Variants in CDH18 observed in about 807,000 individuals in gnomAD.
CDH18 encodes the protein cadherin 18.
In CDH18, 31 loss-of-function variants were observed where a neutral mutation model predicts 67.9. The observed-to-expected ratio is 0.46, with a 90% confidence interval of 0.34 to 0.62. The LOEUF (loss-of-function observed/expected upper bound fraction) is 0.62, where lower values mean the gene tolerates loss of function less well. Among genes scored for constraint, CDH18 ranks in the 20% least tolerant of loss-of-function variants. CDH18 has a pLI of 0.01. For missense variants in CDH18, 890 were observed against 975.5 expected, an observed-to-expected ratio of 0.91 and a Z score of 1.17; for synonymous variants, 362 against 347.2, an observed-to-expected ratio of 1.04 and a Z score of -0.48.
In CDH18 at chr5:19,588,795, G is replaced by C. The variant is rs905235025; in HGVS notation, c.999+2262C>G. 2.0e-5 allele frequency among the ~76,000 whole-genome samples: 3 copies of C among 151,682 alleles called. No individual in the cohort carries two copies. The South Asian group carries it at 6.2e-4, about 32-fold the overall frequency. ...CTTTAAGCCAAAAAAGATCGAAAAA[G>C]ACAAAAAAAGAGCATTACATAATGG... On this transcript the variant is annotated intron_variant, in intron 7 of 12. Coordinates refer to ENST00000382275, the MANE Select transcript of CDH18 (RefSeq NM_004934.5).
chr5:19,967,890 GAAGTCA>G (rs1797614924), intron 2 of CDH18, among the ~76,000 whole-genome samples: 1 of 152,064 alleles, frequency 6.6e-6, no homozygotes, highest in South Asian at 2.1e-4. Context: ...AGGAAAAGAG[GAAGTCA>G]AATTGTCCCT....
intron 2 of CDH18, among the ~76,000 whole-genome samples, chr5:20,175,458 G>C (rs1299045943): frequency 6.6e-6 from 1 of 152,056 alleles, no homozygotes; most frequent in African/African-American, 2.4e-5. Flanking sequence ...CATCACCAAA[G>C]AGCCTGTGGA....
chr5:19,868,166 A>G (rs962085402), intron 2 of CDH18, among the ~76,000 whole-genome samples: 3 of 152,164 alleles, frequency 2.0e-5, no homozygotes, highest in Non-Finnish European at 4.4e-5. Context: ...ATAAATTACT[A>G]CATTTCAAGT....
chr5:19,702,793 G>A (rs183836022), intron 5 of CDH18, among the ~76,000 whole-genome samples: 3 of 152,162 alleles, frequency 2.0e-5, no homozygotes, highest in East Asian at 2.0e-4. Flanking sequence ...ACTGTGACAT[G>A]CTCATGATTG....
In CDH18 at chr5:20,423,981, GA is replaced by G. The variant is rs1399974452; in HGVS notation, c.-580+151480del. On this transcript the variant is annotated intron_variant, in intron 1 of 14. Coordinates refer to the CDH18 transcript ENST00000507958. ...AAAAAAAAAAAAAAAAATTGTCCTA[GA>G]AATAGAAAAAAAGTAACAAACATGA... 5.3e-5 allele frequency among the ~76,000 whole-genome samples: 7 copies of G among 131,512 alleles called. No individual in the cohort carries two copies. In the East Asian group the frequency reaches 1.2e-3, roughly 23 times the overall value. The allele number at this position is 131,512 out of a possible 152,430, so 86.3% of individuals were successfully genotyped here.
chr5:19,584,955 A>AGC (rs1296646553), intron 7 of CDH18, among the ~76,000 whole-genome samples: 1 of 151,324 alleles, frequency 6.6e-6, no homozygotes, highest in East Asian at 2.0e-4. Flanking sequence ...AGATCGCACC[A>AGC]CTGCACTCCA....
intron 1 of CDH18, among the ~76,000 whole-genome samples, chr5:20,295,693 C>T (rs574932224): frequency 2.0e-5 from 3 of 151,094 alleles, no homozygotes; most frequent in Non-Finnish European, 2.9e-5. Flanking sequence ...TGCCACTGCA[C>T]TCTAGCCTCG....
intron 2 of CDH18, among the ~76,000 whole-genome samples, chr5:20,241,888 A>G (rs866196335): frequency 1.3e-5 from 1 of 78,338 alleles, no homozygotes. Flanking sequence ...AAATATATAT[A>G]TATGTATATA....
intron 2 of CDH18, among the ~76,000 whole-genome samples, chr5:20,044,923 G>A (rs1740778545): frequency 6.6e-6 from 1 of 151,954 alleles, no homozygotes; most frequent in African/African-American, 2.4e-5. Context: ...TACTAAAAAT[G>A]TGAGGCAAAT....
intron 3 of CDH18, among the ~76,000 whole-genome samples, chr5:19,801,588 C>A (rs1777475667): frequency 6.6e-6 from 1 of 152,154 alleles, no homozygotes; most frequent in African/African-American, 2.4e-5. Flanking sequence ...ATTCTATCAT[C>A]CAAACAAGGT....
chr5:20,095,415 G>GA (rs765836918), intron 2 of CDH18, among the ~76,000 whole-genome samples: 1 of 122,736 alleles, frequency 8.1e-6, no homozygotes, highest in South Asian at 2.8e-4. Flanking sequence ...AAGAAAGAAA[G>GA]AAAGAAAGAA....
intron 2 of CDH18, among the ~76,000 whole-genome samples, chr5:20,146,167 A>G (rs1023577731): frequency 2.0e-5 from 3 of 151,996 alleles, no homozygotes; most frequent in Non-Finnish European, 2.9e-5. Flanking sequence ...CTTGAATTTT[A>G]CCAAGTGAAA....
chr5:19,879,959 C>A (rs1787444724), intron 2 of CDH18, among the ~76,000 whole-genome samples: 1 of 151,936 alleles, frequency 6.6e-6, no homozygotes, highest in South Asian at 2.1e-4. Context: ...TCCTACCAGG[C>A]AAATTATAGA....
intron 2 of CDH18, among the ~76,000 whole-genome samples, chr5:20,089,575 A>T (rs1474642623): frequency 6.6e-6 from 1 of 152,174 alleles, no homozygotes; most frequent in Non-Finnish European, 1.5e-5. Context: ...AATACTATTT[A>T]CATTAAAATA....
chr5:20,219,678 T>C (rs1357884079), intron 2 of CDH18, among the ~76,000 whole-genome samples: 1 of 151,918 alleles, frequency 6.6e-6, no homozygotes, highest in East Asian at 1.9e-4. Flanking sequence ...TACTTCAATA[T>C]ATGCAAATCA....
At chr5:20,530,473 C>A (rs1251627786) in intron 1 of CDH18, among the ~76,000 whole-genome samples, 1 of 151,976 alleles carries the variant, frequency 6.6e-6, no homozygotes. Context: ...CATCACACTA[C>A]CTGACTTCAA....
chr5:19,657,425 G>A (rs896871006), intron 5 of CDH18, among the ~76,000 whole-genome samples: 6 of 151,986 alleles, frequency 3.9e-5, no homozygotes, highest in Non-Finnish European at 8.8e-5. Context: ...GACTTCAAAT[G>A]TCTCAATATA....
chr5:19,869,945 G>A (rs1786044097), intron 2 of CDH18, among the ~76,000 whole-genome samples: 7 of 152,008 alleles, frequency 4.6e-5, no homozygotes. Flanking sequence ...AATTTTTAAT[G>A]TTATTTATTT....
chr5:20,397,344 C>CG (rs1417615198), intron 1 of CDH18, among the ~76,000 whole-genome samples: 8 of 152,060 alleles, frequency 5.3e-5, no homozygotes, highest in Non-Finnish European at 1.2e-4. Flanking sequence ...GCTGGCCGGG[C>CG]TGGCCTAGAA....
Sources: allele counts gnomAD v4.1 joint callset (sites outside exome capture counted in the v4.1 genomes callset), GRCh38; gene constraint gnomAD v4.1.1; transcripts MANE v1.5; gene names NCBI Gene and HGNC (gene_info 2026-07-23, HGNC 2026-07-21).